FBXO25: variants seen among roughly 807,000 people sequenced by gnomAD.
The protein encoded by FBXO25 is F-box only protein 25.
Under a neutral mutation model 51.9 loss-of-function variants are expected in FBXO25, and 45 were observed. The observed-to-expected ratio is 0.87, with a 90% CI of 0.68 to 1.11. The LOEUF (loss-of-function observed/expected upper bound fraction) is 1.11, where lower values mean the gene tolerates loss of function less well. Ranked by LOEUF, FBXO25 falls within the 50% of genes most tolerant of loss-of-function variation. FBXO25 has a pLI of 0.00. For missense variants in FBXO25, 507 were observed against 428.5 expected (o/e 1.18, Z -1.62); for synonymous variants, 199 against 151.0 (o/e 1.32, Z -2.33).
chr8:439,600 A>T (rs897714158), intron 5 of FBXO25, among the ~76,000 whole-genome samples: 2 of 152,056 alleles, frequency 1.3e-5, no homozygotes, highest in African/African-American at 2.4e-5. Flanking sequence ...TTATGTTTTC[A>T]TTTGCTTTAG....
At position 468,911 on chromosome 8, in the gene FBXO25, T is replaced by C; in HGVS notation, c.*107T>C. The C allele has an allele frequency of 9.6e-7, 1 of 1,036,632 alleles. No homozygotes were observed. The highest frequency in any genetic ancestry group is 1.4e-6 in the Non-Finnish European group (1 of 732,282). The allele number at this position is 1,036,632 out of a possible 1,614,324, so 64.2% of individuals were successfully genotyped here. ...TGGAGACTCCTCGGAAGCCCCTGCT[T>C]CCAGAAAGCCTGGGAAGAACTGCCC... On this transcript the variant is annotated 3_prime_UTR_variant, in exon 10 of 10. Coordinates refer to ENST00000350302, the MANE Select transcript of FBXO25 (RefSeq NM_183420.2).
intron 2 of FBXO25, among the ~76,000 whole-genome samples, chr8:415,098 G>A (rs1475293561): frequency 6.6e-6 from 1 of 152,006 alleles, no homozygotes; most frequent in African/African-American, 2.4e-5. Context: ...TATATAAATG[G>A]CCTTCTCTTT....
Position 465,321 on chromosome 8 carries a change from G to A in FBXO25, c.987+2171G>A, listed in dbSNP as rs115449277. Among the ~76,000 whole-genome samples the A allele has an allele frequency of 9.7e-3, 1,472 of 152,290 alleles. 17 individuals are homozygous for A. Among genetic ancestry groups the A allele is most frequent in the African/African-American group, 0.034 (1,401 of 41,556 alleles). ...GACACAATACTGTAGTTTCTAATTT[G>A]AGTTAGTGCTTCTCCTAAGAGTTAC... On this transcript the variant is annotated intron_variant, in intron 9 of 9. Coordinates refer to ENST00000350302, the MANE Select transcript of FBXO25 (RefSeq NM_183420.2).
intron 9 of FBXO25, among the ~76,000 whole-genome samples, chr8:465,411 T>G (rs1242526393): frequency 1.3e-5 from 2 of 152,216 alleles, no homozygotes; most frequent in African/African-American, 4.8e-5. Flanking sequence ...ATGATACTTT[T>G]ATAGGGAAAA....
chr8:417,907 A>C (rs1796905929), intron 2 of FBXO25, among the ~76,000 whole-genome samples: 1 of 152,208 alleles, frequency 6.6e-6, no homozygotes, highest in African/African-American at 2.4e-5. Context: ...TACTTGTGTG[A>C]ATATTTATGA....
intron 2 of FBXO25, among the ~76,000 whole-genome samples, chr8:428,379 G>T (rs1211962739): frequency 1.3e-5 from 2 of 152,086 alleles, no homozygotes; most frequent in Non-Finnish European, 2.9e-5. Context: ...TTTGTGCCCT[G>T]TATTTTCCGC....
At chr8:421,787 G>C (rs1418893945) in intron 2 of FBXO25, among the ~76,000 whole-genome samples, 1 of 152,174 alleles carries the variant, frequency 6.6e-6, no homozygotes, top group East Asian at 1.9e-4. Context: ...CTGGGATAGA[G>C]CAAATGAAAG....
chr8:420,468 C>T (rs1321777648), intron 2 of FBXO25: 1 of 152,204 alleles, frequency 6.6e-6, no homozygotes, highest in Non-Finnish European at 1.5e-5. Context: ...CATTCATGCT[C>T]ACACAAAACC....
At chr8:467,715 C>G (rs200378033) in intron 9 of FBXO25, 1 of 1,613,936 alleles carries the variant, frequency 6.2e-7, no homozygotes, top group African/African-American at 1.3e-5. Flanking sequence ...TTCATGATCT[C>G]GAAGGACTAC....
At chr8:413,901 A>G (rs796834122) in intron 2 of FBXO25, among the ~76,000 whole-genome samples, 68 of 152,328 alleles carry the variant, frequency 4.5e-4, no homozygotes, top group African/African-American at 1.3e-3. Context: ...GCACAGTACC[A>G]GGGTAGGTGG....
In FBXO25 at chr8:451,996, T is replaced by C. The variant is rs1177913504; in HGVS notation, c.660+543T>C. On this transcript the variant is annotated intron_variant, in intron 7 of 9. Coordinates refer to ENST00000350302, the MANE Select transcript of FBXO25 (RefSeq NM_183420.2). ...AACACCATTGCCCCGAGTATTTAGA[T>C]AGTGTTTTATTTAACTCTAGTACTC... Among the ~76,000 whole-genome samples, 3 of 152,236 alleles carry C rather than the reference T, an allele frequency of 2.0e-5. No homozygotes were observed. The East Asian group carries it at 5.8e-4, about 29-fold the overall frequency.
At chr8:419,031 A>G (rs1415036250) in intron 2 of FBXO25, among the ~76,000 whole-genome samples, 8 of 152,234 alleles carry the variant, frequency 5.3e-5, no homozygotes, top group African/African-American at 9.6e-5. Context: ...GATGAACTTC[A>G]TATTAAAAAC....
chr8:437,710 C>T (rs562231330), intron 5 of FBXO25, among the ~76,000 whole-genome samples: 1 of 151,862 alleles, frequency 6.6e-6, no homozygotes, highest in African/African-American at 2.4e-5. Context: ...CCAGTGCCCT[C>T]TTCTGTTGGC....
chr8:465,680 G>T (rs913082995), intron 9 of FBXO25, among the ~76,000 whole-genome samples: 1 of 151,994 alleles, frequency 6.6e-6, no homozygotes, highest in African/African-American at 2.4e-5. Flanking sequence ...TTCATACAAT[G>T]GTTTAGTAAT....
Position 463,207 on chromosome 8 carries a change from A to G in FBXO25, c.987+57A>G. Reference sequence around the variant, plus strand: ...GGATTAAATTTTGGTGAAACAAACTAATCACCTATATTTTAAGTATAAGAC... The same window carrying G: ...GGATTAAATTTTGGTGAAACAAACTGATCACCTATATTTTAAGTATAAGAC... On this transcript the variant is annotated intron_variant, in intron 9 of 9. Transcript: ENST00000350302. 1.9e-6 allele frequency: 3 copies of G among 1,557,720 alleles called. No homozygotes were observed. The South Asian group carries it at 3.5e-5, about 18-fold the overall frequency.
intron 5 of FBXO25, 45 bp from the exon 6 acceptor site, chr8:449,945 A>G (rs771378848): frequency 2.3e-6 from 3 of 1,320,162 alleles, no homozygotes; most frequent in Admixed American, 1.9e-5. Flanking sequence ...GTAATTCCAT[A>G]TTAAATATAT....
At chr8:420,736 CA>C (rs1329446634) in intron 2 of FBXO25, among the ~76,000 whole-genome samples, 8 of 152,218 alleles carry the variant, frequency 5.3e-5, no homozygotes, top group African/African-American at 1.9e-4. Context: ...AAAGCACAAC[CA>C]TAAGGAAGAC....
In FBXO25 at chr8:468,744, C is replaced by T. The variant is rs770385281; in HGVS notation, c.1017C>T (p.Asp339=). 5.1e-4 allele frequency: 818 copies of T among 1,613,912 alleles called. No homozygotes were observed. Among genetic ancestry groups the T allele is most frequent in the Non-Finnish European group, 6.5e-4 (762 of 1,180,016 alleles). The change falls in exon 10 of 10, where the codon GAC becomes GAT. Residue 339 remains aspartate, a synonymous_variant. Coordinates refer to ENST00000350302, the MANE Select transcript of FBXO25 (RefSeq NM_183420.2). The stretch of plus-strand genomic sequence containing the variant: ...CAGGACACCCCTGCACGGCGGCCGA[C>T]CCTGACAGCTGCTTCACGCCTGTGT... The part of the protein sequence containing the change: ...KDSGHPCTAA[D]PDSCFTPVSP...
chr8:464,605 A>G (rs2116837567), intron 9 of FBXO25, among the ~76,000 whole-genome samples: 1 of 152,320 alleles, frequency 6.6e-6, no homozygotes, highest in East Asian at 1.9e-4. Context: ...TTGTTATCAG[A>G]TAGGTCATAC....
Sources: allele counts gnomAD v4.1 joint callset (sites outside exome capture counted in the v4.1 genomes callset), GRCh38; gene constraint gnomAD v4.1.1; transcripts MANE v1.5; gene names NCBI Gene and HGNC (gene_info 2026-07-23, HGNC 2026-07-21).